The following ARHGEF10 variants were observed in gnomAD, a reference collection of about 807,000 sequenced individuals.
The protein encoded by ARHGEF10 is Rho guanine nucleotide exchange factor (GEF) 10.
A neutral mutation model predicts 147.4 loss-of-function variants in ARHGEF10; 140 were observed. The ratio of observed to expected loss-of-function variants is 0.95; its 90% confidence interval spans 0.83 to 1.09. The LOEUF (loss-of-function observed/expected upper bound fraction) is 1.09. Among genes scored for constraint, ARHGEF10 ranks in the 50% least tolerant of loss-of-function variants. The probability of loss-of-function intolerance (pLI) is 0.00; values close to 1 mark genes in which losing one functional copy is unlikely to be tolerated. For missense variants in ARHGEF10, 2,222 were observed against 1,752.7 expected (o/e 1.27, Z -4.78); for synonymous variants, 902 against 695.8 (o/e 1.30, Z -4.67).
chr8:1,844,135 T>G (rs1392807850), intron 2 of ARHGEF10, among the ~76,000 whole-genome samples: 4 of 151,878 alleles, frequency 2.6e-5, no homozygotes, highest in Non-Finnish European at 5.9e-5. Flanking sequence ...GTTGCAGGTC[T>G]GGGGGGTGAT....
At chr8:1,856,026 C>T (rs1427676605) in intron 2 of ARHGEF10, among the ~76,000 whole-genome samples, 1 of 152,074 alleles carries the variant, frequency 6.6e-6, no homozygotes, top group Non-Finnish European at 1.5e-5. Context: ...TGGAAATTAG[C>T]GGTTCTGTCC....
intron 1 of ARHGEF10, among the ~76,000 whole-genome samples, chr8:1,824,585 G>C (rs1195031059): frequency 1.7e-4 from 2 of 11,812 alleles, no homozygotes; most frequent in African/African-American, 3.7e-4. Flanking sequence ...CCCGCACCCC[G>C]TGTACCCCGC....
chr8:1,904,848 C>T (rs1028133926), intron 16 of ARHGEF10, among the ~76,000 whole-genome samples: 5 of 152,136 alleles, frequency 3.3e-5, no homozygotes, highest in African/African-American at 1.2e-4. Context: ...TGGCCGGGTG[C>T]AGTGGCTCAC....
chr8:1,880,855 AC>A (rs1056865544), intron 9 of ARHGEF10, among the ~76,000 whole-genome samples: 1 of 152,212 alleles, frequency 6.6e-6, no homozygotes, highest in Non-Finnish European at 1.5e-5. Context: ...TGCACTCCAC[AC>A]AGCTTCTGGA....
chr8:1,839,610 G>T (rs1803834828), intron 1 of ARHGEF10, among the ~76,000 whole-genome samples: 1 of 145,902 alleles, frequency 6.9e-6, no homozygotes, highest in African/African-American at 2.6e-5. Context: ...GTCTGCTGTG[G>T]GGACTGTCTG....
At chr8:1,890,436 T>C (rs1296213509) in intron 11 of ARHGEF10, among the ~76,000 whole-genome samples, 1 of 138,844 alleles carries the variant, frequency 7.2e-6, no homozygotes, top group East Asian at 2.2e-4. Context: ...TGGGTTGAGG[T>C]TGTGAGGAGA....
rs552585721 is a variant in ARHGEF10, at chr8:1,928,636, G to A, written c.2907G>A (p.Gly969=). ...CTGATGTCCCCACGATCTGTGTAGGGACGGAGGAGGGAAGGTAGGGCATGC... is the reference window on the plus strand; with the variant it reads ...CTGATGTCCCCACGATCTGTGTAGGAACGGAGGAGGGAAGGTAGGGCATGC... ...RASDVPTICV[G]TEEGSISIYK... is the part of the protein sequence containing the mutation. Residue 969 remains glycine, a synonymous_variant, in exon 24 of 29, where the codon GGG becomes GGA. Coordinates refer to ENST00000349830, the MANE Select transcript of ARHGEF10 (RefSeq NM_014629.4). The A allele has an allele frequency of 1.5e-5, 25 of 1,614,186 alleles. No homozygotes were observed. In the East Asian group the frequency reaches 3.8e-4, roughly 24 times the overall value.
chr8:1,949,067 T>C (rs929766538), intron 27 of ARHGEF10, among the ~76,000 whole-genome samples: 1 of 152,114 alleles, frequency 6.6e-6, no homozygotes, highest in Non-Finnish European at 1.5e-5. Flanking sequence ...AATTATCTTT[T>C]TGTGCTATTG....
In ARHGEF10 at chr8:1,957,572, A is replaced by C; in HGVS notation, c.*309A>C. On this transcript the variant is annotated 3_prime_UTR_variant, in exon 29 of 29. Coordinates refer to ENST00000349830, the MANE Select transcript of ARHGEF10 (RefSeq NM_014629.4). ...TGCTGTAGTCCATATGTGAATACTA[A>C]ATGTTAAACTTCATCAGCGTCAGAC... 4.5e-6 allele frequency: 2 copies of C among 443,616 alleles called. No individual in the cohort carries two copies. The highest frequency in any genetic ancestry group is 4.2e-5 in the East Asian group (1 of 23,794). 27.5% of individuals were successfully genotyped at this position (443,616 alleles called of 1,614,324 possible). A position where few individuals can be genotyped will look rare whatever the true frequency, so the allele number is the denominator to read the frequency against.
chr8:1,825,754 C>T lies in ARHGEF10; in HGVS notation c.-48+1641C>T, dbSNP rs554251850. Among the ~76,000 whole-genome samples the T allele has an allele frequency of 5.3e-5, 8 of 152,218 alleles. No individual in the cohort carries two copies. The South Asian group carries it at 1.7e-3, about 32-fold the overall frequency. On this transcript the variant is annotated intron_variant, in intron 1 of 28. Coordinates refer to ENST00000349830, the MANE Select transcript of ARHGEF10 (RefSeq NM_014629.4). ...TATTGATTCCAGTCACTAACTTTGGCTGCAAGTAAAAATTCTCATTGACTC... is the reference window on the plus strand; with the variant it reads ...TATTGATTCCAGTCACTAACTTTGGTTGCAAGTAAAAATTCTCATTGACTC...
Position 1,928,607 on chromosome 8 carries a change from G to C in ARHGEF10, c.2878G>C (p.Ala960Pro), listed in dbSNP as rs766536002. The C allele has an allele frequency of 1.1e-5, 17 of 1,614,104 alleles. No individual in the cohort carries two copies. The highest frequency in any genetic ancestry group is 1.4e-5 in the Non-Finnish European group (17 of 1,180,050). Reference sequence around the variant, plus strand: ...GGACCCCGAGACCCCGGCCGTGAGAGCTTCTGATGTCCCCACGATCTGTGT... The same window carrying C: ...GGACCCCGAGACCCCGGCCGTGAGACCTTCTGATGTCCCCACGATCTGTGT... ...PPDPETPAVR[A>P]SDVPTICVGT... The change falls in exon 24 of 29, where the codon GCT becomes CCT. Residue 960 changes from alanine (A) to proline (P), a missense_variant. Transcript: ENST00000349830.
At chr8:1,956,620 C>A in intron 28 of ARHGEF10, 129 bp from the exon 29 acceptor site, 1 of 909,644 alleles carries the variant, frequency 1.1e-6, no homozygotes. Context: ...TTCATGTATG[C>A]AAGTTACTTA....
intron 9 of ARHGEF10, among the ~76,000 whole-genome samples, chr8:1,880,959 A>G (rs1808140417): frequency 6.6e-6 from 1 of 152,206 alleles, no homozygotes; most frequent in Non-Finnish European, 1.5e-5. Context: ...CACATGCAGC[A>G]TCTGGCTGGC....
intron 17 of ARHGEF10, among the ~76,000 whole-genome samples, chr8:1,907,532 C>G (rs923641906): frequency 2.0e-5 from 3 of 152,198 alleles, no homozygotes; most frequent in African/African-American, 4.8e-5. Context: ...GACTGCTGCT[C>G]CAGAACCCCT....
At chr8:1,917,790 T>A (rs908563233) in intron 18 of ARHGEF10, among the ~76,000 whole-genome samples, 10 of 152,196 alleles carry the variant, frequency 6.6e-5, no homozygotes, top group South Asian at 6.2e-4. Context: ...TTTTCTTTTT[T>A]TTGAGATGGA....
intron 11 of ARHGEF10, 119 bp from the exon 12 acceptor site, chr8:1,893,450 G>A (rs752715315): frequency 2.7e-6 from 2 of 728,224 alleles, no homozygotes; most frequent in Non-Finnish European, 5.0e-6. Flanking sequence ...GGCTACCCTT[G>A]TGCACTGTTT....
At chr8:1,902,364 G>A (rs1810535979) in intron 15 of ARHGEF10, among the ~76,000 whole-genome samples, 1 of 152,184 alleles carries the variant, frequency 6.6e-6, no homozygotes, top group Non-Finnish European at 1.5e-5. Flanking sequence ...GTTACTGCCT[G>A]TTAACGTTTA....
chr8:1,823,999 C>CGCGGGGGACGCGGGGGACGGCGGGGACCG lies in ARHGEF10; in HGVS notation c.-152_-151insCGGGGGACGGCGGGGACCGGCGGGGGACG, dbSNP rs1563137232. 1.3e-5 allele frequency: 1 copy of CGCGGGGGACGCGGGGGACGGCGGGGACCG among 79,390 alleles called. No individual in the cohort carries two copies. The highest frequency in any genetic ancestry group is 2.3e-5 in the Non-Finnish European group (1 of 42,644). The allele number at this position is 79,390 out of a possible 1,614,324, so 4.9% of individuals were successfully genotyped here. A position where few individuals can be genotyped will look rare whatever the true frequency, so the allele number is the denominator to read the frequency against. ...ACGGGGTCGCGGGGGACGCGGGGGA[C>CGCGGGGGACGCGGGGGACGGCGGGGACCG]GCGGGGGACGGCGGGGAACGGCGGG... On this transcript the variant is annotated 5_prime_UTR_variant, in exon 1 of 29. Coordinates refer to ENST00000349830, the MANE Select transcript of ARHGEF10 (RefSeq NM_014629.4).
At chr8:1,876,787 G>T (rs1459639998) in intron 8 of ARHGEF10, 53 bp downstream of exon 8, 1 of 1,588,782 alleles carries the variant, frequency 6.3e-7, no homozygotes, top group African/African-American at 1.3e-5. Context: ...AACACGGACA[G>T]GGGGCTGTGA....
Sources: gnomAD v4.1 joint callset for allele counts (sites outside exome capture counted in the v4.1 genomes callset) on GRCh38, gnomAD v4.1.1 for gene constraint, MANE v1.5 for transcripts, NCBI Gene and HGNC (gene_info 2026-07-23, HGNC 2026-07-21) for gene names.